PAPPA: variants seen among roughly 807,000 people sequenced by gnomAD.
PAPPA encodes pappalysin 1.
In PAPPA, 60 loss-of-function variants were observed where a neutral mutation model predicts 164.0. The ratio of observed to expected loss-of-function variants is 0.37; its 90% CI spans 0.30 to 0.45. PAPPA has a LOEUF of 0.45. Ranked by LOEUF, PAPPA falls within the 20% of genes least tolerant of loss-of-function variation. PAPPA has a pLI of 1.00. For synonymous variants in PAPPA, 875 were observed against 814.1 expected, an observed-to-expected ratio of 1.07 and a Z score of -1.27; for missense variants, 1,782 against 2,087.3, an observed-to-expected ratio of 0.85 and a Z score of 2.85.
At chr9:116,160,658 G>A (rs943642118) in intron 1 of PAPPA, among the ~76,000 whole-genome samples, 1 of 152,090 alleles carries the variant, frequency 6.6e-6, no homozygotes, top group East Asian at 1.9e-4. Context: ...CTGAGGGCTC[G>A]GGAATCCAGT....
intron 1 of PAPPA, among the ~76,000 whole-genome samples, chr9:116,172,244 A>G (rs999395878): frequency 6.6e-6 from 1 of 152,140 alleles, no homozygotes; most frequent in African/African-American, 2.4e-5. Context: ...CAGAGTGCAT[A>G]TTCTAACCCC....
chr9:116,306,330 T>C (rs989724612), intron 10 of PAPPA, among the ~76,000 whole-genome samples: 4 of 152,220 alleles, frequency 2.6e-5, no homozygotes, highest in East Asian at 1.9e-4. Flanking sequence ...TTGTGCTATA[T>C]GGCTTGAGAA....
At chr9:116,310,347 C>A (rs1265468462) in intron 10 of PAPPA, among the ~76,000 whole-genome samples, 1 of 152,096 alleles carries the variant, frequency 6.6e-6, no homozygotes, top group Admixed American at 6.6e-5. Flanking sequence ...CCCAAATACC[C>A]AAAGGATCTG....
chr9:116,347,922 A>G lies in PAPPA; in HGVS notation c.3964+713A>G, dbSNP rs1846232942. Among the ~76,000 whole-genome samples, 4 of 152,218 alleles carry G rather than the reference A, an allele frequency of 2.6e-5. No homozygotes were observed. The highest frequency in any genetic ancestry group is 2.6e-4 in the Admixed American group (4 of 15,286). ...AGATGTGGAATGTGTTAATAACTCC[A>G]GACTAGGAAATCATACTTCTCTCAA... is the stretch of plus-strand genomic sequence containing the variant. On this transcript the variant is annotated intron_variant, in intron 15 of 21. Transcript: ENST00000328252. The surrounding 1 kb of genome is among the most constrained non-coding windows in gnomAD (Gnocchi z 4.5).
chr9:116,309,708 A>G (rs1845692097), intron 10 of PAPPA, among the ~76,000 whole-genome samples: 1 of 152,054 alleles, frequency 6.6e-6, no homozygotes, highest in African/African-American at 2.4e-5. Flanking sequence ...TAAATAATAG[A>G]TGAAGGGGAA....
chr9:116,183,442 TG>T (rs1172655552), intron 1 of PAPPA, among the ~76,000 whole-genome samples: 1 of 152,172 alleles, frequency 6.6e-6, no homozygotes, highest in Admixed American at 6.5e-5. Flanking sequence ...GGAGGTGGTA[TG>T]ACTTGTCCCA....
intron 9 of PAPPA, among the ~76,000 whole-genome samples, chr9:116,297,150 T>A (rs1347696501): frequency 6.6e-6 from 1 of 152,136 alleles, no homozygotes; most frequent in African/African-American, 2.4e-5. Context: ...CCACCATGTC[T>A]GGCAGAAAAT....
At chr9:116,199,015 A>G (rs1473806263) in intron 2 of PAPPA, among the ~76,000 whole-genome samples, 1 of 152,134 alleles carries the variant, frequency 6.6e-6, no homozygotes, top group East Asian at 1.9e-4. Context: ...TGCAGAAGTA[A>G]TTGTGGTTTT....
Position 116,290,446 on chromosome 9 carries a change from A to G in PAPPA, c.2954-12311A>G, listed in dbSNP as rs541104903. Among the ~76,000 whole-genome samples, 3 of 151,828 alleles carry G rather than the reference A, an allele frequency of 2.0e-5. No individual in the cohort carries two copies. The South Asian group carries it at 6.2e-4, about 32-fold the overall frequency. ...GGGCAAAATGTCAAGAACCAAATAT[A>G]TCTTAGAGTGACACAGCTAAAAGGG... is the stretch of plus-strand genomic sequence containing the variant. On this transcript the variant is annotated intron_variant, in intron 9 of 21. Transcript: ENST00000328252.
chr9:116,217,140 G>A (rs979384533), intron 4 of PAPPA, among the ~76,000 whole-genome samples: 2 of 152,082 alleles, frequency 1.3e-5, no homozygotes, highest in Non-Finnish European at 2.9e-5. Flanking sequence ...ATGTGAAAAT[G>A]GTTCCATTTT....
intron 10 of PAPPA, among the ~76,000 whole-genome samples, chr9:116,325,825 A>G (rs966790702): frequency 2.0e-5 from 3 of 152,324 alleles, no homozygotes; most frequent in Non-Finnish European, 4.4e-5. Flanking sequence ...ACAGAACATA[A>G]GTGAGAAAAG....
chr9:116,297,246 T>G (rs1845521057), intron 9 of PAPPA, among the ~76,000 whole-genome samples: 2 of 152,212 alleles, frequency 1.3e-5, no homozygotes, highest in Non-Finnish European at 2.9e-5. Flanking sequence ...CCAAAATACC[T>G]TAAATTATCC....
chr9:116,382,377 T>C lies in PAPPA; in HGVS notation c.4678-18T>C. Reference sequence around the variant, plus strand: ...ATGCTAACAAGGCCTCATTTCCTCCTTCTGTCTCCCTTTCCAGCCCTTCAT... The same window carrying C: ...ATGCTAACAAGGCCTCATTTCCTCCCTCTGTCTCCCTTTCCAGCCCTTCAT... On this transcript the variant is annotated intron_variant, in intron 20 of 21. Transcript: ENST00000328252. 6.4e-7 allele frequency: 1 copy of C among 1,565,180 alleles called. No individual in the cohort carries two copies. The highest frequency in any genetic ancestry group is 8.8e-7 in the Non-Finnish European group (1 of 1,135,332).
chr9:116,379,150 C>A (rs1411683813), intron 20 of PAPPA, among the ~76,000 whole-genome samples: 1 of 152,180 alleles, frequency 6.6e-6, no homozygotes, highest in Non-Finnish European at 1.5e-5. Flanking sequence ...ACCCAAGAGA[C>A]CCTCACCTGT....
chr9:116,198,872 G>A (rs1844137044), intron 2 of PAPPA, among the ~76,000 whole-genome samples: 1 of 152,072 alleles, frequency 6.6e-6, no homozygotes, highest in African/African-American at 2.4e-5. Context: ...TGCTACTCAA[G>A]TACCTTTTAT....
At chr9:116,174,547 A>G (rs1194902093) in intron 1 of PAPPA, among the ~76,000 whole-genome samples, 1 of 152,030 alleles carries the variant, frequency 6.6e-6, no homozygotes, top group Non-Finnish European at 1.5e-5. Context: ...CCTCCTCCCA[A>G]TGCTCTTCAG....
intron 9 of PAPPA, among the ~76,000 whole-genome samples, chr9:116,276,120 A>G (rs899894157): frequency 6.6e-6 from 1 of 152,242 alleles, no homozygotes; most frequent in African/African-American, 2.4e-5. Context: ...CAGTAAAATG[A>G]TAACTCTCCC....
At chr9:116,386,529 T>C (rs138322097) in intron 21 of PAPPA, among the ~76,000 whole-genome samples, 49 of 152,324 alleles carry the variant, frequency 3.2e-4, no homozygotes, top group African/African-American at 1.2e-3. Context: ...TGAACCAGTC[T>C]GGGCTTAGAG....
intron 18 of PAPPA, among the ~76,000 whole-genome samples, chr9:116,364,986 G>C (rs1023154998): frequency 1.3e-5 from 2 of 152,184 alleles, no homozygotes; most frequent in Admixed American, 1.3e-4. Flanking sequence ...AAGCCACATA[G>C]GGAGACAGGA....
Sources: allele counts gnomAD v4.1 joint callset (sites outside exome capture counted in the v4.1 genomes callset), GRCh38; gene constraint gnomAD v4.1.1; non-coding constraint Gnocchi (gnomAD v3.1); transcripts MANE v1.5; gene names NCBI Gene and HGNC (gene_info 2026-07-23, HGNC 2026-07-21).